CSMD3: variants seen among roughly 807,000 people sequenced by gnomAD.
CSMD3 encodes CUB and Sushi multiple domains 3, also known as CUB and sushi domain-containing protein 3.
In CSMD3, 177 loss-of-function variants were observed where a neutral mutation model predicts 435.2. The observed-to-expected ratio is 0.41, with a 90% confidence interval of 0.36 to 0.46. CSMD3 has a LOEUF of 0.46. Ranked by LOEUF, CSMD3 falls within the 20% of genes least tolerant of loss-of-function variation. The probability of loss-of-function intolerance (pLI) is 0.34; values close to 1 mark genes in which losing one functional copy is unlikely to be tolerated. For missense variants in CSMD3, 4,265 were observed against 4,504.6 expected (o/e 0.95, Z 1.52); for synonymous variants, 1,656 against 1,520.5 (o/e 1.09, Z -2.07).
rs1471973275 is a variant in CSMD3 at position 112,234,391 on chromosome 8, C to T, written c.10714G>A (p.Glu3572Lys). ...AAGCCATCCATTGCCCAATTTTCTT[C>T]CTTCATTTTCTTCACAGAAGCATGA... is the stretch of plus-strand genomic sequence containing the variant. Reference protein sequence around the residue: ...PAHASVKKMKEENWAMDGFVS... With the variant: ...PAHASVKKMKKENWAMDGFVS... Residue 3572 changes from glutamate to lysine, a missense_variant, in exon 68 of 71, where the codon GAA becomes AAA. This residue lies in a region of CSMD3 where 3,255 missense variants were observed against 3,380.2 expected (regional missense o/e 0.96). Transcript: ENST00000297405. 6.2e-7 allele frequency: 1 copy of T among 1,611,906 alleles called. No individual in the cohort carries two copies. The highest frequency in any genetic ancestry group is 8.5e-7 in the Non-Finnish European group (1 of 1,178,518).
At chr8:113,424,599 G>A (rs1380063297) in intron 1 of CSMD3, among the ~76,000 whole-genome samples, 1 of 150,856 alleles carries the variant, frequency 6.6e-6, no homozygotes, top group African/African-American at 2.4e-5. Flanking sequence ...AAAAAAAAAA[G>A]TGTAAGAGCA....
chr8:113,397,716 G>A (rs1436470096), intron 1 of CSMD3, among the ~76,000 whole-genome samples: 1 of 151,968 alleles, frequency 6.6e-6, no homozygotes, highest in African/African-American at 2.4e-5. Flanking sequence ...TACTCGGGAG[G>A]CTGAGGCAGG....
At chr8:112,962,698 T>C (rs546660223) in intron 7 of CSMD3, among the ~76,000 whole-genome samples, 24 of 152,088 alleles carry the variant, frequency 1.6e-4, no homozygotes, top group African/African-American at 5.5e-4. Flanking sequence ...TGGGTTCTGA[T>C]GGTTGTATTT....
chr8:112,954,768 A>T lies in CSMD3; in HGVS notation c.1343-7T>A. ...AAATCTATGGCCTTTTTCACTAGTT[A>T]AGAAAACAAACAAAAACATGTATCA... On this transcript the variant is annotated splice_polypyrimidine_tract_variant and splice_region_variant and intron_variant, in intron 7 of 70. Transcript: ENST00000297405. 6.8e-7 allele frequency: 1 copy of T among 1,466,046 alleles called. No homozygotes were observed. Among genetic ancestry groups the T allele is most frequent in the Non-Finnish European group, 9.5e-7 (1 of 1,048,320 alleles). The allele number at this position is 1,466,046 out of a possible 1,614,324, so 90.8% of individuals were successfully genotyped here.
At chr8:112,789,385 CT>C (rs2078630842) in intron 13 of CSMD3, among the ~76,000 whole-genome samples, 1 of 151,982 alleles carries the variant, frequency 6.6e-6, no homozygotes, top group African/African-American at 2.4e-5. Context: ...TTAATCTAAG[CT>C]TCTAGTTTTA....
chr8:112,391,366 A>C (rs1236924302), intron 35 of CSMD3, among the ~76,000 whole-genome samples: 1 of 152,134 alleles, frequency 6.6e-6, no homozygotes, highest in African/African-American at 2.4e-5. Flanking sequence ...AATCAAATGG[A>C]GTCATTAAGA....
intron 3 of CSMD3, among the ~76,000 whole-genome samples, chr8:113,198,742 T>A (rs72687630): frequency 0.066 from 9,985 of 151,280 alleles, 446 homozygotes; most frequent in Non-Finnish European, 0.095. Flanking sequence ...GTGTTAATAG[T>A]AACCTTACTG....
intron 27 of CSMD3, among the ~76,000 whole-genome samples, chr8:112,534,982 C>T (rs1054890814): frequency 1.3e-5 from 2 of 151,670 alleles, no homozygotes; most frequent in Non-Finnish European, 2.9e-5. Flanking sequence ...ATTCAACAAC[C>T]CTTCATGCTA....
At chr8:113,068,949 C>T (rs2088980493) in intron 5 of CSMD3, among the ~76,000 whole-genome samples, 1 of 151,906 alleles carries the variant, frequency 6.6e-6, no homozygotes, top group African/African-American at 2.4e-5. Context: ...ATGTGAGTCT[C>T]ACTATTTAAT....
chr8:112,517,012 T>G (rs751834117), intron 28 of CSMD3, 22 bp downstream of exon 28: 1 of 1,582,984 alleles, frequency 6.3e-7, no homozygotes, highest in Middle Eastern at 2.1e-4. Flanking sequence ...ATATAAAATT[T>G]TAATTGTTCT....
At chr8:112,270,343 AGTGTGTGTGTGTGTGTGTGTGTGT>A (rs10577337) in intron 59 of CSMD3, among the ~76,000 whole-genome samples, 9 of 124,308 alleles carry the variant, frequency 7.2e-5, no homozygotes, top group African/African-American at 1.9e-4. Flanking sequence ...CAGAGGGGTG[AGTGTGTGTGTGTGTGTGTGTGTGT>A]GTGTGTGTGT....
At chr8:112,685,849 A>G in intron 14 of CSMD3, 117 bp from the exon 15 acceptor site, 3 of 724,894 alleles carry the variant, frequency 4.1e-6, no homozygotes, top group Non-Finnish European at 6.8e-6. Flanking sequence ...ATATTAAATT[A>G]TGTAAATTAT....
chr8:112,957,555 G>A (rs1289928006), intron 7 of CSMD3, among the ~76,000 whole-genome samples: 1 of 151,510 alleles, frequency 6.6e-6, no homozygotes, highest in African/African-American at 2.4e-5. Flanking sequence ...CCGGATTCAA[G>A]CAGTTCTCCT....
At chr8:112,726,105 T>C (rs1038035889) in intron 13 of CSMD3, among the ~76,000 whole-genome samples, 5 of 151,878 alleles carry the variant, frequency 3.3e-5, no homozygotes, top group Admixed American at 3.3e-4. Flanking sequence ...TTATAAACCA[T>C]CAGATCTCTT....
intron 26 of CSMD3, 54 bp from the exon 27 acceptor site, chr8:112,550,927 G>T (rs1827625186): frequency 7.6e-7 from 1 of 1,310,556 alleles, no homozygotes; most frequent in South Asian, 1.2e-5. Context: ...CAACTTTAAA[G>T]AAAAAATAGA....
intron 3 of CSMD3, among the ~76,000 whole-genome samples, chr8:113,261,027 A>G (rs1331583521): frequency 6.6e-6 from 1 of 152,164 alleles, no homozygotes; most frequent in Non-Finnish European, 1.5e-5. Context: ...TAGTACTTCA[A>G]GAAACATACA....
intron 40 of CSMD3, among the ~76,000 whole-genome samples, chr8:112,350,254 T>G (rs1392530720): frequency 1.3e-5 from 2 of 150,958 alleles, no homozygotes; most frequent in Non-Finnish European, 2.9e-5. Flanking sequence ...TGTGCAGAGT[T>G]AAGTCACACA....
At chr8:112,356,776 CTCTT>C (rs1248935900) in intron 38 of CSMD3, among the ~76,000 whole-genome samples, 14 of 152,098 alleles carry the variant, frequency 9.2e-5, no homozygotes, top group Non-Finnish European at 2.1e-4. Context: ...CGAGCTCTCT[CTCTT>C]TGACTGCTGT....
At chr8:113,168,519 C>CAA (rs71281204) in intron 4 of CSMD3, among the ~76,000 whole-genome samples, 314 of 17,006 alleles carry the variant, frequency 0.018, 106 homozygotes, top group African/African-American at 0.037. Flanking sequence ...GACTCTGTCT[C>CAA]AAAAAAAAAA....
Sources: allele counts gnomAD v4.1 joint callset (sites outside exome capture counted in the v4.1 genomes callset), GRCh38; gene constraint gnomAD v4.1.1; regional missense constraint gnomAD v4.1.1; transcripts MANE v1.5; gene names NCBI Gene and HGNC (gene_info 2026-07-23, HGNC 2026-07-21).